Variants in FSTL4 observed in about 807,000 individuals in gnomAD.
FSTL4 encodes the protein follistatin-related protein 4.
FSTL4 carries 28 observed loss-of-function variants against 78.2 expected under a neutral mutation model. That is an observed-to-expected ratio of 0.36 (90% confidence interval 0.27 to 0.49). The LOEUF (loss-of-function observed/expected upper bound fraction) is 0.49, where lower values mean the gene tolerates loss of function less well. Ranked by LOEUF, FSTL4 falls within the 20% of genes least tolerant of loss-of-function variation. The pLI is 0.98. For missense variants in FSTL4, 922 were observed against 1,084.9 expected (o/e 0.85, Z 2.11); for synonymous variants, 422 against 440.5 (o/e 0.96, Z 0.53).
intron 3 of FSTL4, among the ~76,000 whole-genome samples, chr5:133,482,293 C>T (rs780966110): frequency 4.6e-5 from 7 of 151,956 alleles, no homozygotes; most frequent in Non-Finnish European, 7.4e-5. Context: ...CTGAGCATTG[C>T]ACAGGTTTCT....
chr5:133,604,611 G>C (rs1186646506), intron 1 of FSTL4, among the ~76,000 whole-genome samples: 2 of 152,034 alleles, frequency 1.3e-5, no homozygotes, highest in African/African-American at 2.4e-5. Flanking sequence ...CAGGAGGCTG[G>C]GGCAGGAGAA....
chr5:133,705,991 C>G, the FSTL4 span, among the ~76,000 whole-genome samples: 1 of 152,196 alleles, frequency 6.6e-6, no homozygotes, highest in Non-Finnish European at 1.5e-5. Context: ...TTGACCATCT[C>G]CCCAACTATG....
the FSTL4 span, among the ~76,000 whole-genome samples, chr5:133,827,736 A>C: frequency 6.6e-6 from 1 of 151,640 alleles, no homozygotes; most frequent in Non-Finnish European, 1.5e-5. Context: ...TGTACATTGC[A>C]CACAAGGCTG....
chr5:133,817,203 G>A, the FSTL4 span, among the ~76,000 whole-genome samples: 2,216 of 152,182 alleles, frequency 0.015, 59 homozygotes, highest in African/African-American at 0.051. Flanking sequence ...GTCTATTATC[G>A]TCCCCATTTA....
At chr5:133,777,230 C>T in the FSTL4 span, among the ~76,000 whole-genome samples, 188 of 29,058 alleles carry the variant, frequency 6.5e-3, no homozygotes, top group African/African-American at 0.036. Context: ...TATATATATA[C>T]AATAGAGAGT....
rs867352147 is a variant in FSTL4, at chr5:133,274,998, A to T, written c.728-25422T>A. On this transcript the variant is annotated intron_variant, in intron 6 of 15. Coordinates refer to ENST00000265342, the MANE Select transcript of FSTL4 (RefSeq NM_015082.2). ...GAATTTAGGCTGGGCACAGTGGCTC[A>T]TGTCTGTAATCCCAGCACTTTGGGA... Among the ~76,000 whole-genome samples, 3 of 152,344 alleles carry T rather than the reference A, an allele frequency of 2.0e-5. No individual in the cohort carries two copies. The Middle Eastern group carries it at 0.01, about 518-fold the overall frequency.
chr5:133,246,229 G>A (rs1455561457), intron 7 of FSTL4, among the ~76,000 whole-genome samples: 3 of 152,182 alleles, frequency 2.0e-5, no homozygotes, highest in African/African-American at 4.8e-5. Context: ...GGTGAACGTG[G>A]CCACTGAGAC....
At chr5:133,677,277 G>A in the FSTL4 span, among the ~76,000 whole-genome samples, 2 of 152,214 alleles carry the variant, frequency 1.3e-5, no homozygotes, top group Non-Finnish European at 2.9e-5. Flanking sequence ...CAAATCTAGA[G>A]GGCCCGAGTC....
At chr5:133,575,626 C>T (rs1171508570) in intron 2 of FSTL4, among the ~76,000 whole-genome samples, 1 of 152,130 alleles carries the variant, frequency 6.6e-6, no homozygotes, top group Non-Finnish European at 1.5e-5. Context: ...AATAAGAATC[C>T]ATCTTTCCAG....
intron 5 of FSTL4, 93 bp from the exon 6 acceptor site, chr5:133,312,870 G>A: frequency 1.6e-6 from 2 of 1,242,626 alleles, no homozygotes; most frequent in South Asian, 2.7e-5. Context: ...GGAATCCAGG[G>A]ACAGCTCAGT....
At chr5:133,488,508 C>A (rs947242504) in intron 3 of FSTL4, among the ~76,000 whole-genome samples, 2 of 152,194 alleles carry the variant, frequency 1.3e-5, no homozygotes, top group African/African-American at 4.8e-5. Flanking sequence ...CCCACCGCGG[C>A]CTCCCAAAGT....
chr5:133,830,431 C>T, the FSTL4 span, among the ~76,000 whole-genome samples: 1 of 152,154 alleles, frequency 6.6e-6, no homozygotes, highest in Non-Finnish European at 1.5e-5. Context: ...AAGTGGGGGG[C>T]CACCATTGCC....
intron 3 of FSTL4, among the ~76,000 whole-genome samples, chr5:133,535,836 T>G (rs1291388749): frequency 6.6e-6 from 1 of 152,200 alleles, no homozygotes; most frequent in Non-Finnish European, 1.5e-5. Flanking sequence ...ATTATGGGAT[T>G]TTCTTTGGTG....
At chr5:133,752,178 G>T in the FSTL4 span, among the ~76,000 whole-genome samples, 2 of 152,216 alleles carry the variant, frequency 1.3e-5, no homozygotes, top group Admixed American at 1.3e-4. Flanking sequence ...TGTCAGGACT[G>T]GATCCTTGGT....
chr5:133,375,026 G>C (rs991279315), intron 4 of FSTL4, among the ~76,000 whole-genome samples: 6 of 151,970 alleles, frequency 3.9e-5, no homozygotes, highest in Non-Finnish European at 8.8e-5. Context: ...ATGGAACCTT[G>C]AGAGGCAATC....
chr5:133,199,264 G>C lies in FSTL4; in HGVS notation c.2360C>G (p.Pro787Arg). ...LKEPPAGPAQ[P>R]WGGTHRIMRD... ...CATGATTCTGTGGGTACCCCCCCAGGGCTGAGCTGGCCCTGCGGGTGGCTC... is the reference window on the plus strand; with the variant it reads ...CATGATTCTGTGGGTACCCCCCCAGCGCTGAGCTGGCCCTGCGGGTGGCTC... The change falls in exon 16 of 16, where the codon CCC (proline) becomes CGC (arginine). Residue 787 changes from proline (P) to arginine (R), a missense_variant. By Grantham distance (103) the Pro-to-Arg change is moderately radical (BLOSUM62 -2). Transcript: ENST00000265342. The surrounding 1 kb of genome is among the most constrained non-coding windows in gnomAD (Gnocchi z 4.4). The C allele has an allele frequency of 1.2e-6, 2 of 1,613,962 alleles. No homozygotes were observed. Among genetic ancestry groups the C allele is most frequent in the South Asian group, 2.2e-5 (2 of 91,074 alleles).
At chr5:133,514,182 G>GATGATAATAATA (rs1554067733) in intron 3 of FSTL4, among the ~76,000 whole-genome samples, 1 of 116,644 alleles carries the variant, frequency 8.6e-6, no homozygotes, top group Non-Finnish European at 1.6e-5. Context: ...CCGTCTCAAT[G>GATGATAATAATA]ATAATAATAA....
chr5:133,729,862 T>C, the FSTL4 span, among the ~76,000 whole-genome samples: 1 of 152,144 alleles, frequency 6.6e-6, no homozygotes. Context: ...CACCTGGCTC[T>C]GGGTTTGAGA....
At chr5:133,838,503 A>C in the FSTL4 span, among the ~76,000 whole-genome samples, 1 of 152,160 alleles carries the variant, frequency 6.6e-6, no homozygotes, top group African/African-American at 2.4e-5. Context: ...TGAGGTTGCA[A>C]TCAGATGCTG....
Sources: gnomAD v4.1 joint callset for allele counts (sites outside exome capture counted in the v4.1 genomes callset) on GRCh38, gnomAD v4.1.1 for gene constraint, Gnocchi (gnomAD v3.1) non-coding constraint, MANE v1.5 for transcripts, NCBI Gene and HGNC (gene_info 2026-07-23, HGNC 2026-07-21) for gene names.